NRP1: variants seen among roughly 807,000 people sequenced by gnomAD.
NRP1 encodes the protein neuropilin-1.
In NRP1, 35 loss-of-function variants were observed where a neutral mutation model predicts 106.7. The ratio of observed to expected loss-of-function variants is 0.33; its 90% CI spans 0.25 to 0.43. The LOEUF (loss-of-function observed/expected upper bound fraction) is 0.43, where lower values mean the gene tolerates loss of function less well. Among genes scored for constraint, NRP1 ranks in the 20% least tolerant of loss-of-function variants. NRP1 has a pLI of 1.00. For missense variants in NRP1, 1,024 were observed against 1,170.4 expected (o/e 0.87, Z 1.83); for synonymous variants, 437 against 417.9 (o/e 1.05, Z -0.56).
chr10:33,332,628 T>C (rs955071843), intron 1 of NRP1, among the ~76,000 whole-genome samples: 2 of 152,228 alleles, frequency 1.3e-5, no homozygotes. Context: ...TCAATCTCTC[T>C]AGCAGTTGAT....
At chr10:33,208,898 C>A (rs1381275360) in intron 9 of NRP1, among the ~76,000 whole-genome samples, 1 of 140,394 alleles carries the variant, frequency 7.1e-6, no homozygotes, top group Non-Finnish European at 1.5e-5. Context: ...TTTAGAGCAG[C>A]CTTTTTTTTT....
chr10:33,320,669 T>C (rs982327461), intron 2 of NRP1, among the ~76,000 whole-genome samples: 4 of 152,310 alleles, frequency 2.6e-5, no homozygotes, highest in African/African-American at 9.6e-5. Context: ...CAGGGACACA[T>C]TGCGGTTTTT....
At position 33,262,699 on chromosome 10, in the gene NRP1, G is replaced by C. The variant is rs111313976; in HGVS notation, c.658+947C>G. Among the ~76,000 whole-genome samples, 3 of 90,652 alleles carry C rather than the reference G, an allele frequency of 3.3e-5. No homozygotes were observed. In the Admixed American group the frequency reaches 3.5e-4, roughly 11 times the overall value. 59.5% of individuals were successfully genotyped at this position (90,652 alleles called of 152,430 possible). On this transcript the variant is annotated intron_variant, in intron 4 of 16. Transcript: ENST00000374867. ...GCCTGGGTGACAAGAGCAAAACTCT[G>C]TCTCAAAAAAAAAAAAAAAAAAAGT...
At chr10:33,225,491 AC>A (rs1839588116) in intron 7 of NRP1, among the ~76,000 whole-genome samples, 1 of 152,220 alleles carries the variant, frequency 6.6e-6, no homozygotes, top group Non-Finnish European at 1.5e-5. Context: ...AGCAAGTGTA[AC>A]TTCAAATAAA....
chr10:33,329,231 A>T (rs1368470970), intron 2 of NRP1, among the ~76,000 whole-genome samples: 1 of 152,236 alleles, frequency 6.6e-6, no homozygotes, highest in Non-Finnish European at 1.5e-5. Flanking sequence ...AAAAGTCAAT[A>T]TAATGCCCTG....
intron 2 of NRP1, among the ~76,000 whole-genome samples, chr10:33,324,889 C>T (rs1847779692): frequency 6.6e-6 from 1 of 152,190 alleles, no homozygotes; most frequent in African/African-American, 2.4e-5. Context: ...TGATGCCTGC[C>T]TCTGGCTCCC....
intron 2 of NRP1, among the ~76,000 whole-genome samples, chr10:33,322,078 GAGA>G (rs1456887917): frequency 6.6e-6 from 1 of 152,154 alleles, no homozygotes; most frequent in African/African-American, 2.4e-5. Context: ...GGCGCTGTGG[GAGA>G]AGAACACTTC....
At chr10:33,206,595 G>A (rs1312335275) in intron 10 of NRP1, among the ~76,000 whole-genome samples, 7 of 152,304 alleles carry the variant, frequency 4.6e-5, no homozygotes, top group African/African-American at 1.7e-4. Context: ...AAAATTGCAG[G>A]AAGGTGACAT....
rs374297417 is a variant in NRP1, at chr10:33,202,908, T to C, written c.1847A>G (p.Asp616Gly). Residue 616 changes from aspartate (D) to glycine (G), a missense_variant, in exon 11 of 17, where the codon GAT becomes GGT. By Grantham distance (94) the Asp-to-Gly change is moderately conservative (BLOSUM62 -1). Around this residue, in one of 5 missense-constraint regions of NRP1, gnomAD observed 562 missense variants for 620.3 expected, o/e 0.91. Transcript: ENST00000374867. ...DQANCHSGTGDDFQLTGGTTV... is the reference protein window; with the variant it reads ...DQANCHSGTGGDFQLTGGTTV... ...TTCTGCACCTGTGAGCTGGAAGTCA[T>C]CACCTGTTCCACTGTGGCAGTTGGC... 1 of 1,614,236 alleles carries C rather than the reference T, an allele frequency of 6.2e-7. No individual in the cohort carries two copies. The highest frequency in any genetic ancestry group is 1.3e-5 in the African/African-American group (1 of 75,068).
chr10:33,262,608 C>T (rs1470272838), intron 4 of NRP1, among the ~76,000 whole-genome samples: 1 of 149,262 alleles, frequency 6.7e-6, no homozygotes, highest in Non-Finnish European at 1.5e-5. Context: ...GAGGCTGAGG[C>T]AGAAGAATTG....
chr10:33,235,178 C>T (rs1840460875), intron 6 of NRP1, among the ~76,000 whole-genome samples: 1 of 152,156 alleles, frequency 6.6e-6, no homozygotes, highest in South Asian at 2.1e-4. Flanking sequence ...ACTGGAGTCC[C>T]ATCTGGTTCT....
chr10:33,249,084 G>GTTTTTTTTTTTTTTTT (rs750905931), intron 6 of NRP1, among the ~76,000 whole-genome samples: 48 of 72,202 alleles, frequency 6.6e-4, no homozygotes, highest in African/African-American at 9.8e-4. Context: ...TATGTCTCTT[G>GTTTTTTTTTTTTTTTT]TTTTTTTTTT....
At chr10:33,314,587 A>G (rs910210889) in intron 2 of NRP1, among the ~76,000 whole-genome samples, 2 of 152,238 alleles carry the variant, frequency 1.3e-5, no homozygotes, top group African/African-American at 4.8e-5. Flanking sequence ...GTGTCATCAT[A>G]CATCTACTAC....
At chr10:33,256,530 G>A (rs1258353144) in intron 4 of NRP1, 59 bp from the exon 5 acceptor site, 1 of 1,584,618 alleles carries the variant, frequency 6.3e-7, no homozygotes, top group Non-Finnish European at 8.7e-7. Flanking sequence ...GCAGATGCAA[G>A]AATTAGCATT....
At position 33,187,212 on chromosome 10, in the gene NRP1, C is replaced by T. The variant is rs140415782; in HGVS notation, c.2063-724G>A. Reference sequence around the variant, plus strand: ...TTTATGCAACTTTAAGATCACACTGCGGCACCCATGTGAACACATGCATTA... The same window carrying T: ...TTTATGCAACTTTAAGATCACACTGTGGCACCCATGTGAACACATGCATTA... On this transcript the variant is annotated intron_variant, in intron 13 of 16. Transcript: ENST00000374867. Among the ~76,000 whole-genome samples, 95 of 152,222 alleles carry T rather than the reference C, an allele frequency of 6.2e-4. No individual in the cohort carries two copies. The East Asian group carries it at 0.015, about 24-fold the overall frequency.
intron 6 of NRP1, among the ~76,000 whole-genome samples, chr10:33,237,482 C>T (rs992328400): frequency 3.8e-5 from 5 of 131,898 alleles, no homozygotes; most frequent in South Asian, 2.3e-4. Context: ...AACACACATG[C>T]GCGCGCACAC....
intron 11 of NRP1, 67 bp downstream of exon 11, chr10:33,202,824 G>T: frequency 1.2e-6 from 2 of 1,613,812 alleles, no homozygotes; most frequent in South Asian, 2.2e-5. Context: ...ACACACAGGC[G>T]TTAGCTGGTC....
rs184142785 is a variant in NRP1 at position 33,291,254 on chromosome 10, C to T, written c.249-20398G>A. Among the ~76,000 whole-genome samples the T allele has an allele frequency of 1.9e-3, 293 of 152,222 alleles. 2 individuals carry two copies. Among genetic ancestry groups the T allele is most frequent in the African/African-American group, 6.8e-3 (281 of 41,530 alleles). On this transcript the variant is annotated intron_variant, in intron 2 of 16. Coordinates refer to ENST00000374867, the MANE Select transcript of NRP1 (RefSeq NM_003873.7). ...AGGCTGATTTGATGGTTTTTGTCAGCGCAAATTAGGATCCTAGGTTTAAGT... is the reference window on the plus strand; with the variant it reads ...AGGCTGATTTGATGGTTTTTGTCAGTGCAAATTAGGATCCTAGGTTTAAGT...
chr10:33,320,301 TA>T (rs908808687), intron 2 of NRP1, among the ~76,000 whole-genome samples: 4 of 146,326 alleles, frequency 2.7e-5, no homozygotes, highest in African/African-American at 1.0e-4. Flanking sequence ...GATGGAGCAA[TA>T]CTCCGTCTTT....
Sources: gnomAD v4.1 joint callset for allele counts (sites outside exome capture counted in the v4.1 genomes callset) on GRCh38, gnomAD v4.1.1 for gene constraint, gnomAD v4.1.1 regional missense constraint, MANE v1.5 for transcripts, NCBI Gene and HGNC (gene_info 2026-07-23, HGNC 2026-07-21) for gene names.